The following TSC2 variants were observed in gnomAD, a reference collection of about 807,000 sequenced individuals.
TSC2 encodes the protein TSC complex subunit 2, also known as tuberin.
In TSC2, 29 loss-of-function variants were observed where a neutral mutation model predicts 202.2. The observed-to-expected ratio is 0.14, with a 90% CI of 0.11 to 0.20. The LOEUF is 0.20. Ranked by LOEUF, TSC2 falls within the 10% of genes least tolerant of loss-of-function variation. The pLI is 1.00. For missense variants in TSC2, 2,429 were observed against 2,420.0 expected (o/e 1.00, Z -0.08); for synonymous variants, 1,349 against 1,044.0 (o/e 1.29, Z -5.63).
Position 2,081,655 on chromosome 16 carries a change from A to T in TSC2, c.3671A>T (p.Asn1224Ile), listed in dbSNP as rs1434962054. 6.2e-7 allele frequency: 1 copy of T among 1,612,964 alleles called. No individual in the cohort carries two copies. The highest frequency in any genetic ancestry group is 2.2e-5 in the East Asian group (1 of 44,888). ...NPLSPFSSDI[N>I]NMPLQELSNA... ...CTCAGCCCTTTCTCCTCGGACATCAACAACATGCCCCTGCAGGAGCTGTCT... is the reference window on the plus strand; with the variant it reads ...CTCAGCCCTTTCTCCTCGGACATCATCAACATGCCCCTGCAGGAGCTGTCT... The change falls in exon 31 of 42, where the codon AAC (asparagine) becomes ATC (isoleucine). Residue 1224 changes from asparagine (N) to isoleucine (I), a missense_variant. Coordinates refer to ENST00000219476, the MANE Select transcript of TSC2 (RefSeq NM_000548.5).
rs1436089216 is a variant in TSC2, at chr16:2,089,451, G to A, written c.*841G>A. The A allele has an allele frequency of 7.6e-6, 4 of 529,210 alleles. No individual in the cohort carries two copies. The highest frequency in any genetic ancestry group is 1.0e-5 in the Non-Finnish European group (3 of 294,118). 32.8% of individuals were successfully genotyped at this position (529,210 alleles called of 1,614,324 possible). On this transcript the variant is annotated 3_prime_UTR_variant, in exon 42 of 42. Transcript: ENST00000219476. ...GGGCCGGGCACAGCCCGCTGTACCTGAGGACTCGGGGAAATAAATTAGCAT... is the reference window on the plus strand; with the variant it reads ...GGGCCGGGCACAGCCCGCTGTACCTAAGGACTCGGGGAAATAAATTAGCAT...
intron 10 of TSC2, among the ~76,000 whole-genome samples, chr16:2,059,338 CTTTTT>C (rs1180610775): frequency 8.0e-6 from 1 of 124,700 alleles, no homozygotes; most frequent in Non-Finnish European, 1.7e-5. Flanking sequence ...TTCTCTCTCT[CTTTTT>C]TTTTTTTTTT....
intron 37 of TSC2, 46 bp downstream of exon 37, chr16:2,086,425 C>T (rs2090800568): frequency 1.9e-6 from 3 of 1,594,340 alleles, no homozygotes; most frequent in Non-Finnish European, 2.6e-6. Flanking sequence ...GGCCTCAGGG[C>T]ACGGCTCCCA....
intron 3 of TSC2, 78 bp downstream of exon 3, chr16:2,050,564 G>T: frequency 1.7e-6 from 2 of 1,183,030 alleles, no homozygotes; most frequent in East Asian, 2.4e-5. Context: ...TTAGGAACAT[G>T]GTTGACAGCT....
Position 2,064,297 on chromosome 16 carries a change from T to G in TSC2, c.1469T>G (p.Ile490Ser). 1 of 1,613,858 alleles carries G rather than the reference T, an allele frequency of 6.2e-7. No individual in the cohort carries two copies. The highest frequency in any genetic ancestry group is 8.5e-7 in the Non-Finnish European group (1 of 1,180,022). Residue 490 changes from isoleucine to serine, a missense_variant, in exon 15 of 42, where the codon ATC becomes AGC. Ile to Ser is a moderately radical substitution (Grantham distance 142). Transcript: ENST00000219476. ...GAGGAGCTGATTAACTCAGTGGTCA[T>G]CTCGCAGCTCTCCCACATCCCCGAG... ...YEEELINSVV[I>S]SQLSHIPEDK...
chr16:2,081,560 C>G (rs1299711204), intron 30 of TSC2, 35 bp from the exon 31 acceptor site: 2 of 1,612,316 alleles, frequency 1.2e-6, no homozygotes, highest in South Asian at 2.2e-5. Context: ...AGGGGAGGTA[C>G]TGGCCTCAGG....
At chr16:2,072,463 G>T in intron 20 of TSC2, 100 bp downstream of exon 20, 2 of 1,538,540 alleles carry the variant, frequency 1.3e-6, no homozygotes, top group Non-Finnish European at 1.8e-6. Flanking sequence ...CTTCGGGCTC[G>T]GGCTCCATTT....
chr16:2,048,029 C>G lies in TSC2; in HGVS notation c.-66C>G. ...GGCCAGGGGGGTGCGCCTTTCTCCG[C>G]GTCGGGGCGGCCCGGAGCGCGGTGG... On this transcript the variant is annotated 5_prime_UTR_variant, in exon 1 of 42. Transcript: ENST00000219476. 2 of 1,440,994 alleles carry G rather than the reference C, an allele frequency of 1.4e-6. No homozygotes were observed. The highest frequency in any genetic ancestry group is 1.8e-6 in the Non-Finnish European group (2 of 1,103,382). 89.3% of individuals were successfully genotyped at this position (1,440,994 alleles called of 1,614,324 possible). A position where few individuals can be genotyped will look rare whatever the true frequency, so the allele number is the denominator to read the frequency against.
chr16:2,082,075 C>A, intron 31 of TSC2: 1 of 597,040 alleles, frequency 1.7e-6, no homozygotes, highest in Non-Finnish European at 3.0e-6. Flanking sequence ...ACTGCGGGCT[C>A]CAGGAGGCTC....
At chr16:2,065,670 C>T (rs374178045) in intron 16 of TSC2, 35 bp downstream of exon 16, 65 of 1,571,566 alleles carry the variant, frequency 4.1e-5, no homozygotes, top group Non-Finnish European at 5.3e-5. Context: ...GCTCCCGGGG[C>T]GCGCATGGCT....
rs187122821 is a variant in TSC2, at chr16:2,048,527, A to T, written c.-29-60A>T. The T allele has an allele frequency of 2.5e-4, 409 of 1,605,270 alleles. 1 individual carries two copies. The highest frequency in any genetic ancestry group is 1.2e-3 in the Middle Eastern group (7 of 5,882). The stretch of plus-strand genomic sequence containing the variant: ...AGGGTCCTGACGGCTGGAGGTCCGC[A>T]GTGGGGAAGGTGGGCAGAGGTGTTG... On this transcript the variant is annotated intron_variant, in intron 1 of 41. Transcript: ENST00000219476.
In TSC2 at chr16:2,081,590, C is replaced by G. The variant is rs200194551; in HGVS notation, c.3611-5C>G. ...CTCAGGCCAAAGGTGCTGCCGCCTC[C>G]GCAGGGAACACCAGCTGGCTGATGA... On this transcript the variant is annotated splice_region_variant and splice_polypyrimidine_tract_variant and intron_variant, in intron 30 of 41. Coordinates refer to ENST00000219476, the MANE Select transcript of TSC2 (RefSeq NM_000548.5). 6.2e-7 allele frequency: 1 copy of G among 1,612,750 alleles called. No homozygotes were observed. The highest frequency in any genetic ancestry group is 1.3e-5 in the African/African-American group (1 of 74,944).
At position 2,088,636 on chromosome 16, in the gene TSC2, G is replaced by C. The variant is rs13332015; in HGVS notation, c.*26G>C. 6.3e-7 allele frequency: 1 copy of C among 1,592,368 alleles called. No individual in the cohort carries two copies. Among genetic ancestry groups the C allele is most frequent in the African/African-American group, 1.3e-5 (1 of 74,610 alleles). ...GGCCGGGGCCCTCCCTCCTGCACTGGCCTTGGACGGTATTGCCTGTCAGTG... is the reference window on the plus strand; with the variant it reads ...GGCCGGGGCCCTCCCTCCTGCACTGCCCTTGGACGGTATTGCCTGTCAGTG... On this transcript the variant is annotated 3_prime_UTR_variant, in exon 42 of 42. Transcript: ENST00000219476.
chr16:2,061,858 C>G lies in TSC2; in HGVS notation c.1120-13C>G. The G allele has an allele frequency of 6.2e-7, 1 of 1,614,090 alleles. No homozygotes were observed. ...GTGGAAGTCAGCCTGTGTCATCGTG[C>G]CTGGTACTGCAGACCTTGGACAGCC... On this transcript the variant is annotated splice_polypyrimidine_tract_variant and intron_variant, in intron 11 of 41. Coordinates refer to ENST00000219476, the MANE Select transcript of TSC2 (RefSeq NM_000548.5).
intron 26 of TSC2, 166 bp from the exon 27 acceptor site, chr16:2,078,866 G>A (rs1437391447): frequency 1.2e-6 from 1 of 824,084 alleles, no homozygotes. Context: ...GGACAATGTG[G>A]TCCACGTGAT....
At position 2,086,727 on chromosome 16, in the gene TSC2, C is replaced by G; in HGVS notation, c.4850-5C>G. ...ACAAACCCATCCGGCCCTGCTCACC[C>G]TCAGCCGTCTTCCACATCGCCACCC... On this transcript the variant is annotated splice_region_variant and splice_polypyrimidine_tract_variant and intron_variant, in intron 37 of 41. Transcript: ENST00000219476. 6.2e-7 allele frequency: 1 copy of G among 1,609,698 alleles called. No individual in the cohort carries two copies. The highest frequency in any genetic ancestry group is 1.1e-5 in the South Asian group (1 of 90,996).
intron 22 of TSC2, among the ~76,000 whole-genome samples, chr16:2,075,511 A>T (rs1274830902): frequency 2.2e-5 from 3 of 134,794 alleles, no homozygotes; most frequent in Non-Finnish European, 4.6e-5. Flanking sequence ...TGGGCGACAG[A>T]GCCAGACTCA....
At chr16:2,078,861 ATG>A in intron 26 of TSC2, 169 bp from the exon 27 acceptor site, 1 of 796,328 alleles carries the variant, frequency 1.3e-6, no homozygotes, top group Non-Finnish European at 2.1e-6. Flanking sequence ...CTCTGGGACA[ATG>A]TGGTCCACGT....
rs1596460659 is a variant in TSC2 at position 2,088,283 on chromosome 16, G to A, written c.5217G>A (p.Lys1739=). Residue 1739 remains lysine (K), a synonymous_variant, in exon 41 of 42, where the codon AAG becomes AAA. Transcript: ENST00000219476. ...RSNPTDIYPS[K]WIARLRHIKR... ...ACCCCACCGATATCTACCCCTCCAA[G>A]TGGATTGCCCGGCTCCGCCACATCA... 1 of 1,613,014 alleles carries A rather than the reference G, an allele frequency of 6.2e-7. No individual in the cohort carries two copies.
Sources: gnomAD v4.1 joint callset for allele counts (sites outside exome capture counted in the v4.1 genomes callset) on GRCh38, gnomAD v4.1.1 for gene constraint, MANE v1.5 for transcripts, NCBI Gene and HGNC (gene_info 2026-07-23, HGNC 2026-07-21) for gene names.